Variants in LRRK1 observed in about 807,000 individuals in gnomAD.
The protein encoded by LRRK1 is leucine rich repeat kinase 1.
LRRK1 carries 113 observed loss-of-function variants against 209.1 expected under a neutral mutation model. That is an observed-to-expected ratio of 0.54 (90% CI 0.46 to 0.63). The LOEUF (loss-of-function observed/expected upper bound fraction) is 0.63, where lower values mean the gene tolerates loss of function less well. Among genes scored for constraint, LRRK1 ranks in the 30% least tolerant of loss-of-function variants. The pLI, the probability that LRRK1 is intolerant of heterozygous loss-of-function variation, is 0.00. For synonymous variants in LRRK1, 1,144 were observed against 1,099.7 expected (o/e 1.04, Z -0.80); for missense variants, 2,284 against 2,632.2 (o/e 0.87, Z 2.89).
chr15:101,014,220 C>T, intron 10 of LRRK1, 96 bp from the exon 11 acceptor site: 2 of 833,218 alleles, frequency 2.4e-6, no homozygotes, highest in East Asian at 2.5e-5. Context: ...AATCGTTTGA[C>T]TGCGCGTGGT....
intron 22 of LRRK1, among the ~76,000 whole-genome samples, 157 bp downstream of exon 22, chr15:101,048,814 C>T (rs11635234): frequency 0.38 from 57,324 of 152,036 alleles, 11,344 homozygotes; most frequent in Non-Finnish European, 0.44. Context: ...GGCCCTCCCA[C>T]GAGTGTCCCA....
At chr15:101,049,502 G>A (rs910593139) in intron 22 of LRRK1, 142 bp from the exon 23 acceptor site, 1 of 893,838 alleles carries the variant, frequency 1.1e-6, no homozygotes, top group Non-Finnish European at 1.7e-6. Flanking sequence ...TACATACAGG[G>A]AGGAGTCCCC....
chr15:100,946,603 A>C (rs867277873), intron 2 of LRRK1, among the ~76,000 whole-genome samples: 10 of 152,230 alleles, frequency 6.6e-5, no homozygotes, highest in African/African-American at 2.4e-4. Context: ...CAACTCAGCT[A>C]TACAGGCAGT....
chr15:101,029,227 T>C lies in LRRK1; in HGVS notation c.2958T>C (p.Asn986=). Residue 986 remains asparagine, a synonymous_variant, in exon 20 of 34, where the codon AAT becomes AAC. Transcript: ENST00000388948. ...AKFEIALPVA[N]DSYLLPHLLP... Reference sequence around the variant, plus strand: ...TTGAGATCGCCCTGCCCGTCGCCAATGACAGGTGAGGACACAACTTAACAC... The same window carrying C: ...TTGAGATCGCCCTGCCCGTCGCCAACGACAGGTGAGGACACAACTTAACAC... 2 of 1,610,876 alleles carry C rather than the reference T, an allele frequency of 1.2e-6. No individual in the cohort carries two copies. The highest frequency in any genetic ancestry group is 1.7e-6 in the Non-Finnish European group (2 of 1,177,696).
At chr15:101,011,897 A>C in intron 9 of LRRK1, 111 bp from the exon 10 acceptor site, 1 of 770,190 alleles carries the variant, frequency 1.3e-6, no homozygotes, top group Non-Finnish European at 2.1e-6. Flanking sequence ...TCATTACAGG[A>C]CATTATTGTA....
At chr15:100,973,434 G>C (rs2031067346) in intron 2 of LRRK1, among the ~76,000 whole-genome samples, 1 of 152,176 alleles carries the variant, frequency 6.6e-6, no homozygotes, top group African/African-American at 2.4e-5. Flanking sequence ...CACCGCAGCG[G>C]GACAGCGTGG....
Position 101,071,181 on chromosome 15 carries a change from A to AAG in LRRK1, c.*2336_*2337dup, listed in dbSNP as rs2036789956. The AAG allele has an allele frequency of 6.6e-6, 1 of 152,374 alleles. No homozygotes were observed. Among genetic ancestry groups the AAG allele is most frequent in the African/African-American group, 2.4e-5 (1 of 41,452 alleles). 9.4% of individuals were successfully genotyped at this position (152,374 alleles called of 1,614,324 possible). On this transcript the variant is annotated 3_prime_UTR_variant, in exon 34 of 34. Coordinates refer to ENST00000388948, the MANE Select transcript of LRRK1 (RefSeq NM_024652.6). ...GCCCAGTGACCTCTGGCGGGTGTAG[A>AAG]AGAGCTCATGCTTCAGTGAGGGGGT... is the stretch of plus-strand genomic sequence containing the variant.
intron 30 of LRRK1, among the ~76,000 whole-genome samples, chr15:101,061,497 G>T (rs1379159707): frequency 2.6e-5 from 4 of 152,254 alleles, no homozygotes; most frequent in Non-Finnish European, 5.9e-5. Flanking sequence ...CCTGCCTGCT[G>T]CTGGCTGGAG....
chr15:101,011,347 G>A (rs1005287830), intron 9 of LRRK1, among the ~76,000 whole-genome samples: 8 of 151,704 alleles, frequency 5.3e-5, no homozygotes, highest in African/African-American at 7.3e-5. Flanking sequence ...GTGGTGGCAC[G>A]TGGCTGTAGT....
intron 11 of LRRK1, among the ~76,000 whole-genome samples, 199 bp downstream of exon 11, chr15:101,014,627 C>T (rs771684812): frequency 3.3e-5 from 5 of 152,182 alleles, no homozygotes; most frequent in Non-Finnish European, 5.9e-5. Flanking sequence ...GTTGGTTTCT[C>T]CTGAGGCCCC....
At position 101,055,223 on chromosome 15, in the gene LRRK1, G is replaced by T; in HGVS notation, c.4332G>T (p.Lys1444Asn). ...EIRPRIVYDE[K>N]VDMFSYGMVL... ...GGCCTCGCATTGTATATGATGAGAAGGTACGTGCCTGGATCCCCTGGCCCA... is the reference window on the plus strand; with the variant it reads ...GGCCTCGCATTGTATATGATGAGAATGTACGTGCCTGGATCCCCTGGCCCA... The change falls in exon 27 of 34, where the codon AAG becomes AAT. Residue 1444 changes from lysine (K) to asparagine (N), a missense_variant and splice_region_variant. Physicochemically the swap from Lys to Asn is moderately conservative, Grantham distance 94 (BLOSUM62 0). Around this residue, in one of 6 missense-constraint regions of LRRK1, gnomAD observed 59 missense variants for 103.8 expected, o/e 0.57. Transcript: ENST00000388948. 1 of 1,543,540 alleles carries T rather than the reference G, an allele frequency of 6.5e-7. No homozygotes were observed. The highest frequency in any genetic ancestry group is 1.3e-5 in the South Asian group (1 of 79,160).
At chr15:100,949,015 C>T (rs1226763531) in intron 2 of LRRK1, among the ~76,000 whole-genome samples, 5 of 151,602 alleles carry the variant, frequency 3.3e-5, no homozygotes, top group Admixed American at 6.6e-5. Context: ...AAGGAAATAA[C>T]AAAAATTAGA....
chr15:101,049,837 T>G, intron 23 of LRRK1, 54 bp downstream of exon 23: 1 of 1,574,160 alleles, frequency 6.4e-7, no homozygotes, highest in Non-Finnish European at 8.6e-7. Context: ...TTCTTATGAA[T>G]CAGGGTGGGG....
Position 101,010,762 on chromosome 15 carries a change from T to C in LRRK1, c.1206T>C (p.Ser402=). The C allele has an allele frequency of 6.2e-7, 1 of 1,614,072 alleles. No homozygotes were observed. Among genetic ancestry groups the C allele is most frequent in the Non-Finnish European group, 8.5e-7 (1 of 1,179,958 alleles). Residue 402 remains serine, a synonymous_variant, in exon 9 of 34, where the codon TCT becomes TCC. Transcript: ENST00000388948. ...LTELPALFLH[S]FKSLNSLNVS... ...AACTCCCTGCCCTGTTCCTTCACTC[T>C]TTCAAGTCCCTCAATTCTCTGAATG...
At chr15:100,963,718 C>T (rs560865328) in intron 2 of LRRK1, among the ~76,000 whole-genome samples, 5 of 152,308 alleles carry the variant, frequency 3.3e-5, no homozygotes, top group Non-Finnish European at 5.9e-5. Flanking sequence ...GCCGACTTCC[C>T]GCTTTTGTTA....
intron 6 of LRRK1, among the ~76,000 whole-genome samples, chr15:100,998,666 T>C (rs1458767165): frequency 1.3e-5 from 2 of 151,964 alleles, no homozygotes; most frequent in African/African-American, 4.8e-5. Flanking sequence ...GATGGATAGA[T>C]GGATAGTTGC....
At chr15:100,938,025 ATTT>A (rs60742125) in intron 2 of LRRK1, among the ~76,000 whole-genome samples, 26,764 of 140,224 alleles carry the variant, frequency 0.19, 5,134 homozygotes, top group African/African-American at 0.5. Flanking sequence ...TAATTTTTGT[ATTT>A]TTTTTTTTTT....
At chr15:101,010,975 A>G (rs1446853014) in intron 9 of LRRK1, 138 bp downstream of exon 9, 2 of 709,864 alleles carry the variant, frequency 2.8e-6, no homozygotes, top group Non-Finnish European at 4.5e-6. Context: ...CCCACATTGT[A>G]AGCATCGTCA....
At chr15:100,983,757 C>CT in intron 4 of LRRK1, 58 bp downstream of exon 4, 1 of 1,508,850 alleles carries the variant, frequency 6.6e-7, no homozygotes, top group South Asian at 1.1e-5. Context: ...TCTTAGGCTT[C>CT]ACCCCAAAAT....
Sources: allele counts gnomAD v4.1 joint callset (sites outside exome capture counted in the v4.1 genomes callset), GRCh38; gene constraint gnomAD v4.1.1; regional missense constraint gnomAD v4.1.1; transcripts MANE v1.5; gene names NCBI Gene and HGNC (gene_info 2026-07-23, HGNC 2026-07-21).